Variants in DIS3L2 observed in about 807,000 individuals in gnomAD.
DIS3L2 encodes DIS3 like 3'-5' exoribonuclease 2.
DIS3L2 carries 34 observed loss-of-function variants against 97.5 expected under a neutral mutation model. The ratio of observed to expected loss-of-function variants is 0.35; its 90% CI spans 0.27 to 0.46. The LOEUF (loss-of-function observed/expected upper bound fraction) is 0.46, where lower values mean the gene tolerates loss of function less well. DIS3L2 is among the 20% of genes least tolerant of loss of function. DIS3L2 has a pLI of 1.00. For missense variants in DIS3L2, 1,038 were observed against 1,146.0 expected (o/e 0.91, Z 1.36); for synonymous variants, 435 against 445.2 (o/e 0.98, Z 0.29).
At chr2:232,252,456 C>T (rs893343454) in intron 12 of DIS3L2, among the ~76,000 whole-genome samples, 1 of 152,130 alleles carries the variant, frequency 6.6e-6, no homozygotes, top group South Asian at 2.1e-4. Flanking sequence ...AAGCTGGATC[C>T]TCTCGTGGGC....
intron 10 of DIS3L2, among the ~76,000 whole-genome samples, chr2:232,226,092 T>G (rs1692639466): frequency 6.6e-6 from 1 of 152,166 alleles, no homozygotes; most frequent in Admixed American, 6.5e-5. Flanking sequence ...GTTCTAAAAT[T>G]TATTGTAGTT....
chr2:232,313,446 A>G (rs1695187675), intron 14 of DIS3L2, among the ~76,000 whole-genome samples: 1 of 152,184 alleles, frequency 6.6e-6, no homozygotes, highest in Non-Finnish European at 1.5e-5. Flanking sequence ...TTACAGAAGG[A>G]TCTCATGGCT....
chr2:232,193,041 A>G (rs17199893), intron 9 of DIS3L2, among the ~76,000 whole-genome samples: 2,142 of 152,250 alleles, frequency 0.014, 28 homozygotes, highest in South Asian at 0.031. Context: ...TACAGCTACC[A>G]CGGTGCTCTC....
At chr2:232,176,016 A>G (rs192462475) in intron 9 of DIS3L2, among the ~76,000 whole-genome samples, 97 of 152,152 alleles carry the variant, frequency 6.4e-4, no homozygotes, top group African/African-American at 2.2e-3. Flanking sequence ...CAGCCTCCCA[A>G]GTAGCTGGAA....
intron 6 of DIS3L2, among the ~76,000 whole-genome samples, chr2:232,096,596 T>C (rs1273362434): frequency 6.6e-6 from 1 of 152,166 alleles, no homozygotes; most frequent in African/African-American, 2.4e-5. Context: ...CTTGTAGGCA[T>C]GTGTCATTCT....
At chr2:232,247,616 C>CGGGGGGGGGGGGGGG (rs1491505436) in intron 11 of DIS3L2, among the ~76,000 whole-genome samples, 1 of 6,526 alleles carries the variant, frequency 1.5e-4, no homozygotes, top group African/African-American at 3.1e-4. Flanking sequence ...ATAACTGCCG[C>CGGGGGGGGGGGGGGG]GGGGGGGGGG....
chr2:232,203,817 A>G (rs1691960485), intron 9 of DIS3L2, among the ~76,000 whole-genome samples: 1 of 152,220 alleles, frequency 6.6e-6, no homozygotes, highest in Non-Finnish European at 1.5e-5. Context: ...AAAAGCTGGC[A>G]TTGCAGGCAG....
intron 9 of DIS3L2, among the ~76,000 whole-genome samples, chr2:232,175,226 T>G (rs555470355): frequency 6.6e-6 from 1 of 152,312 alleles, no homozygotes; most frequent in Admixed American, 6.5e-5. Flanking sequence ...TATTGAGTGG[T>G]TTTCTCATGG....
chr2:232,326,783 A>G (rs1695589288), intron 14 of DIS3L2, among the ~76,000 whole-genome samples: 1 of 149,758 alleles, frequency 6.7e-6, no homozygotes, highest in African/African-American at 2.5e-5. Flanking sequence ...CAAGGGAAGC[A>G]GAGACTCAGC....
chr2:232,265,043 C>T (rs964071460), intron 13 of DIS3L2, among the ~76,000 whole-genome samples: 1 of 152,232 alleles, frequency 6.6e-6, no homozygotes, highest in African/African-American at 2.4e-5. Context: ...TACAGAATAC[C>T]TACTTTCCTT....
intron 9 of DIS3L2, among the ~76,000 whole-genome samples, chr2:232,190,819 A>G (rs1437058318): frequency 1.3e-5 from 2 of 152,176 alleles, no homozygotes; most frequent in Non-Finnish European, 2.9e-5. Flanking sequence ...TCCAGAATGT[A>G]AAGGGTGGAA....
chr2:232,288,856 C>T (rs1414522627), intron 13 of DIS3L2, among the ~76,000 whole-genome samples: 6 of 151,920 alleles, frequency 3.9e-5, no homozygotes, highest in Admixed American at 3.9e-4. Flanking sequence ...TTATATATAC[C>T]CTCATCTGTT....
At chr2:232,318,673 G>A (rs1280773469) in intron 14 of DIS3L2, among the ~76,000 whole-genome samples, 1 of 152,184 alleles carries the variant, frequency 6.6e-6, no homozygotes, top group Non-Finnish European at 1.5e-5. Context: ...TGGAGTGTCA[G>A]TGTGGGACCC....
intron 5 of DIS3L2, among the ~76,000 whole-genome samples, chr2:232,046,375 A>T (rs540155573): frequency 1.3e-5 from 2 of 152,210 alleles, no homozygotes; most frequent in South Asian, 4.1e-4. Context: ...CCACTGAATG[A>T]GAATTTGCAT....
chr2:232,271,297 G>T (rs1393224349), intron 13 of DIS3L2, among the ~76,000 whole-genome samples: 2 of 152,180 alleles, frequency 1.3e-5, no homozygotes, highest in South Asian at 2.1e-4. Context: ...GAGAACATTT[G>T]TAACTTCACT....
At chr2:232,165,355 A>G (rs1190985992) in intron 9 of DIS3L2, among the ~76,000 whole-genome samples, 1 of 152,220 alleles carries the variant, frequency 6.6e-6, no homozygotes, top group Non-Finnish European at 1.5e-5. Context: ...ATACACATAT[A>G]CATATATGTG....
At position 231,980,559 on chromosome 2, in the gene DIS3L2, G is replaced by A. The variant is rs140932040; in HGVS notation, c.-94+18794G>A. 6.7e-3 allele frequency among the ~76,000 whole-genome samples: 1,022 copies of A among 152,220 alleles called. 12 individuals are homozygous for A. Among genetic ancestry groups the A allele is most frequent in the African/African-American group, 0.023 (958 of 41,524 alleles). On this transcript the variant is annotated intron_variant, in intron 1 of 20. Coordinates refer to ENST00000325385, the MANE Select transcript of DIS3L2 (RefSeq NM_152383.5). The stretch of plus-strand genomic sequence containing the variant: ...TAAAAATACAAAAAATCAGCTGGGC[G>A]TGGTGGCATGCACCTGTATTCCCAG...
intron 4 of DIS3L2, among the ~76,000 whole-genome samples, chr2:232,026,371 C>T (rs1318721671): frequency 2.6e-5 from 4 of 152,126 alleles, no homozygotes; most frequent in Non-Finnish European, 2.9e-5. Context: ...CATGGCTTCA[C>T]CTCTGGCTTG....
intron 6 of DIS3L2, among the ~76,000 whole-genome samples, chr2:232,101,020 G>C (rs1697188839): frequency 6.6e-6 from 1 of 152,060 alleles, no homozygotes; most frequent in African/African-American, 2.4e-5. Context: ...CGGATCAGTT[G>C]AGGTCAGGAG....
Sources: gnomAD v4.1 joint callset for allele counts (sites outside exome capture counted in the v4.1 genomes callset) on GRCh38, gnomAD v4.1.1 for gene constraint, MANE v1.5 for transcripts, NCBI Gene and HGNC (gene_info 2026-07-23, HGNC 2026-07-21) for gene names.